The following EFNA5 variants were observed in gnomAD, a reference collection of about 807,000 sequenced individuals.
EFNA5 encodes ephrin A5, also known as ephrin-A5.
In EFNA5, 5 loss-of-function variants were observed where a neutral mutation model predicts 22.9. The ratio of observed to expected loss-of-function variants is 0.22; its 90% CI spans 0.11 to 0.46. EFNA5 has a LOEUF of 0.46. Among genes scored for constraint, EFNA5 ranks in the 20% least tolerant of loss-of-function variants. The pLI, the probability that EFNA5 is intolerant of heterozygous loss-of-function variation, is 0.99. For missense variants in EFNA5, 237 were observed against 293.3 expected, an observed-to-expected ratio of 0.81 and a Z score of 1.40; for synonymous variants, 113 against 112.2, an observed-to-expected ratio of 1.01 and a Z score of -0.04.
intron 1 of EFNA5, among the ~76,000 whole-genome samples, chr5:107,656,469 C>T (rs1246012377): frequency 6.6e-6 from 1 of 152,096 alleles, no homozygotes; most frequent in Non-Finnish European, 1.5e-5. Context: ...ATTTGGTCTA[C>T]CTTTTAAAAA....
At chr5:107,453,135 A>G (rs1749603694) in intron 1 of EFNA5, among the ~76,000 whole-genome samples, 1 of 152,182 alleles carries the variant, frequency 6.6e-6, no homozygotes, top group African/African-American at 2.4e-5. Flanking sequence ...ATAAACATAT[A>G]TTTTATTACA....
At chr5:107,399,234 C>A (rs994826501) in intron 2 of EFNA5, among the ~76,000 whole-genome samples, 1 of 151,786 alleles carries the variant, frequency 6.6e-6, no homozygotes, top group Admixed American at 6.6e-5. Flanking sequence ...GGCAGATCAC[C>A]TGAGGGTCAG....
intron 1 of EFNA5, among the ~76,000 whole-genome samples, chr5:107,571,692 G>GT (rs1748810439): frequency 6.6e-6 from 1 of 152,118 alleles, no homozygotes; most frequent in South Asian, 2.1e-4. Flanking sequence ...TCATGATCCA[G>GT]TTTCCCCACC....
chr5:107,496,346 A>AAAC (rs1554063283), intron 1 of EFNA5, among the ~76,000 whole-genome samples: 18 of 149,904 alleles, frequency 1.2e-4, no homozygotes, highest in African/African-American at 4.0e-4. Context: ...CAAAAAAAAA[A>AAAC]AAAAAAACAA....
At chr5:107,524,404 A>G (rs1221419438) in intron 1 of EFNA5, among the ~76,000 whole-genome samples, 1 of 152,244 alleles carries the variant, frequency 6.6e-6, no homozygotes, top group Non-Finnish European at 1.5e-5. Flanking sequence ...AGCTGATCAA[A>G]AAGTGCCTCA....
intron 1 of EFNA5, among the ~76,000 whole-genome samples, chr5:107,472,681 T>C (rs1750170908): frequency 6.6e-6 from 1 of 152,210 alleles, no homozygotes; most frequent in Non-Finnish European, 1.5e-5. Context: ...CAGGATCCCA[T>C]GGACCTGTCT....
chr5:107,551,638 C>T (rs17413725), intron 1 of EFNA5, among the ~76,000 whole-genome samples: 1 of 152,082 alleles, frequency 6.6e-6, no homozygotes, highest in Non-Finnish European at 1.5e-5. Flanking sequence ...TAGCAACTCC[C>T]TGCCGATCTC....
intron 1 of EFNA5, among the ~76,000 whole-genome samples, chr5:107,566,601 A>G (rs1463678200): frequency 6.6e-6 from 1 of 152,218 alleles, no homozygotes; most frequent in Non-Finnish European, 1.5e-5. Context: ...TCATGCATAC[A>G]TAGATCTTCA....
intron 1 of EFNA5, among the ~76,000 whole-genome samples, chr5:107,568,904 T>C (rs975349971): frequency 6.6e-6 from 1 of 152,210 alleles, no homozygotes; most frequent in African/African-American, 2.4e-5. Context: ...ATGGTGTATC[T>C]ATAATAGGAA....
At chr5:107,657,843 C>A (rs1432934384) in intron 1 of EFNA5, among the ~76,000 whole-genome samples, 6 of 151,952 alleles carry the variant, frequency 3.9e-5, no homozygotes, top group Non-Finnish European at 8.8e-5. Flanking sequence ...TTTATATACA[C>A]AGAGTGAAGA....
Position 107,583,526 on chromosome 5 carries a change from G to T in EFNA5, c.125+86963C>A, listed in dbSNP as rs190011990. 3.6e-3 allele frequency among the ~76,000 whole-genome samples: 546 copies of T among 152,284 alleles called. 4 individuals carry two copies. The highest frequency in any genetic ancestry group is 0.013 in the African/African-American group (534 of 41,556). On this transcript the variant is annotated intron_variant, in intron 1 of 4. Coordinates refer to ENST00000333274, the MANE Select transcript of EFNA5 (RefSeq NM_001962.3). ...TTCCAGACATCTTCCCAATGAATGA[G>T]TTTTTACAGAAATGCTTCTTGCTTG...
intron 1 of EFNA5, among the ~76,000 whole-genome samples, chr5:107,476,672 T>G (rs745848968): frequency 2.0e-5 from 3 of 152,134 alleles, no homozygotes; most frequent in Non-Finnish European, 2.9e-5. Context: ...TGATTTGAAG[T>G]CCCTACAGAA....
intron 1 of EFNA5, among the ~76,000 whole-genome samples, chr5:107,651,555 C>T (rs1031995309): frequency 1.3e-5 from 2 of 151,900 alleles, no homozygotes; most frequent in African/African-American, 4.8e-5. Context: ...AGAGCACAGC[C>T]GACCGCCCAA....
intron 1 of EFNA5, among the ~76,000 whole-genome samples, chr5:107,619,320 C>T (rs1010753749): frequency 6.6e-6 from 1 of 152,150 alleles, no homozygotes; most frequent in African/African-American, 2.4e-5. Context: ...GAATATATTA[C>T]ATAGCATACC....
At chr5:107,384,193 C>T (rs1747546168) in intron 4 of EFNA5, among the ~76,000 whole-genome samples, 1 of 152,198 alleles carries the variant, frequency 6.6e-6, no homozygotes, top group South Asian at 2.1e-4. Flanking sequence ...TACACCTAAA[C>T]ATGAGAGAAT....
intron 1 of EFNA5, among the ~76,000 whole-genome samples, chr5:107,567,871 T>G (rs1466081328): frequency 6.6e-6 from 1 of 152,176 alleles, no homozygotes; most frequent in Non-Finnish European, 1.5e-5. Flanking sequence ...AATATTTACA[T>G]TCAAGTTCTT....
intron 1 of EFNA5, among the ~76,000 whole-genome samples, chr5:107,482,122 C>A (rs1325920791): frequency 1.3e-5 from 2 of 151,944 alleles, no homozygotes; most frequent in Non-Finnish European, 2.9e-5. Context: ...CCAGCCTGGG[C>A]AACATAGGGA....
chr5:107,614,066 C>T lies in EFNA5; in HGVS notation c.125+56423G>A, dbSNP rs1396402667. On this transcript the variant is annotated intron_variant, in intron 1 of 4. Transcript: ENST00000333274. ...CTGTTCCTACTCACCATCTAATGAA[C>T]CTTCAAAAACAGATTAACACCCAAC... 3.3e-5 allele frequency among the ~76,000 whole-genome samples: 5 copies of T among 152,238 alleles called. No individual in the cohort carries two copies. The East Asian group carries it at 5.8e-4, about 18-fold the overall frequency.
At chr5:107,382,356 C>A (rs1427143733) in intron 4 of EFNA5, among the ~76,000 whole-genome samples, 1 of 152,174 alleles carries the variant, frequency 6.6e-6, no homozygotes, top group Non-Finnish European at 1.5e-5. Context: ...CTTTTATTTA[C>A]TTTTAATTAA....
Sources: allele counts gnomAD v4.1 joint callset (sites outside exome capture counted in the v4.1 genomes callset), GRCh38; gene constraint gnomAD v4.1.1; transcripts MANE v1.5; gene names NCBI Gene and HGNC (gene_info 2026-07-23, HGNC 2026-07-21).